DPYD: variants seen among roughly 807,000 people sequenced by gnomAD.
DPYD encodes dihydropyrimidine dehydrogenase, also known as dihydropyrimidine dehydrogenase [NADP(+)].
A neutral mutation model predicts 116.2 loss-of-function variants in DPYD; 109 were observed. The observed-to-expected ratio is 0.94, with a 90% CI of 0.80 to 1.10. The LOEUF (loss-of-function observed/expected upper bound fraction) is 1.10. DPYD is among the 50% of genes least tolerant of loss of function. DPYD has a pLI of 0.00. For synonymous variants in DPYD, 440 were observed against 432.0 expected (o/e 1.02, Z -0.23); for missense variants, 1,302 against 1,254.5 (o/e 1.04, Z -0.57).
intron 18 of DPYD, among the ~76,000 whole-genome samples, chr1:97,251,384 C>T (rs1313968152): frequency 2.5e-5 from 2 of 81,580 alleles, no homozygotes; most frequent in African/African-American, 1.1e-4. Context: ...AAGAGTGAAA[C>T]TCTGTCTAAA....
Position 97,889,919 on chromosome 1 carries a change from ATAGAAT to A in DPYD, c.40-6551_40-6546del, listed in dbSNP as rs528971886. Among the ~76,000 whole-genome samples the A allele has an allele frequency of 1.2e-3, 185 of 152,138 alleles. No individual in the cohort carries two copies. In the Middle Eastern group the frequency reaches 0.024, roughly 20 times the overall value. On this transcript the variant is annotated intron_variant, in intron 1 of 22. Transcript: ENST00000370192. ...AAAATAGTTCTCCCTCTTCAATGGA[ATAGAAT>A]TAGATATCAATAACAGAAAGAAATT...
At chr1:97,379,417 A>AT (rs1282028781) in intron 15 of DPYD, among the ~76,000 whole-genome samples, 1 of 152,232 alleles carries the variant, frequency 6.6e-6, no homozygotes, top group Non-Finnish European at 1.5e-5. Flanking sequence ...ACCACAGCCA[A>AT]TTATACGCTT....
At chr1:97,384,311 T>A (rs1213468374) in intron 14 of DPYD, among the ~76,000 whole-genome samples, 1 of 151,488 alleles carries the variant, frequency 6.6e-6, no homozygotes, top group Non-Finnish European at 1.5e-5. Context: ...AATAGAAAGT[T>A]GTGACCATAT....
chr1:97,800,563 C>A (rs1484360741), intron 3 of DPYD, among the ~76,000 whole-genome samples: 1 of 151,934 alleles, frequency 6.6e-6, no homozygotes, highest in Non-Finnish European at 1.5e-5. Context: ...TCCTCTTTCT[C>A]TTCCAATTTC....
intron 7 of DPYD, among the ~76,000 whole-genome samples, chr1:97,688,500 C>A (rs1305082539): frequency 1.3e-5 from 2 of 151,834 alleles, no homozygotes; most frequent in Non-Finnish European, 2.9e-5. Flanking sequence ...GGTCATAGTT[C>A]TATTTCATAA....
At chr1:97,369,684 T>C (rs1330839167) in intron 16 of DPYD, among the ~76,000 whole-genome samples, 1 of 152,196 alleles carries the variant, frequency 6.6e-6, no homozygotes, top group East Asian at 1.9e-4. Context: ...TTGGAATGAA[T>C]GCAACCAAAG....
At chr1:97,237,722 C>T (rs1384359471) in intron 18 of DPYD, among the ~76,000 whole-genome samples, 1 of 152,112 alleles carries the variant, frequency 6.6e-6, no homozygotes, top group African/African-American at 2.4e-5. Flanking sequence ...CTGTAACAAA[C>T]TTTTTGATAG....
chr1:97,388,962 G>A (rs1041636006), intron 14 of DPYD, among the ~76,000 whole-genome samples: 8 of 152,024 alleles, frequency 5.3e-5, no homozygotes, highest in Admixed American at 3.9e-4. Flanking sequence ...GATAGAAGAC[G>A]AGTAGAGAGA....
chr1:97,242,840 T>C (rs1036875029), intron 18 of DPYD, among the ~76,000 whole-genome samples: 1 of 151,774 alleles, frequency 6.6e-6, no homozygotes, highest in African/African-American at 2.4e-5. Context: ...GTGAATAGGA[T>C]GATCTCTCTT....
intron 3 of DPYD, among the ~76,000 whole-genome samples, chr1:97,803,811 T>C (rs1350996009): frequency 6.6e-6 from 1 of 151,898 alleles, no homozygotes; most frequent in African/African-American, 2.4e-5. Context: ...ATGCGTTACA[T>C]GGTTAGTTTT....
chr1:97,191,788 G>A (rs1156799436), intron 20 of DPYD, among the ~76,000 whole-genome samples: 1 of 152,064 alleles, frequency 6.6e-6, no homozygotes. Flanking sequence ...TCGAATGATT[G>A]TAAAGTCATT....
intron 20 of DPYD, among the ~76,000 whole-genome samples, chr1:97,157,433 T>C (rs1655554562): frequency 6.6e-6 from 1 of 152,138 alleles, no homozygotes; most frequent in Admixed American, 6.6e-5. Context: ...GGAAGACTTA[T>C]CTACTTATGT....
rs538086185 is a variant in DPYD at position 97,268,390 on chromosome 1, C to T, written c.2300-33396G>A. On this transcript the variant is annotated intron_variant, in intron 18 of 22. Transcript: ENST00000370192. ...AAGTGGGGATTCCCTGCAGTAGTCTCACTCCTGCACTCTGCTGTGCATTGC... is the reference window on the plus strand; with the variant it reads ...AAGTGGGGATTCCCTGCAGTAGTCTTACTCCTGCACTCTGCTGTGCATTGC... 3.4e-4 allele frequency among the ~76,000 whole-genome samples: 52 copies of T among 152,296 alleles called. 1 individual carries two copies. In the South Asian group the frequency reaches 0.011, roughly 31 times the overall value.
chr1:97,083,776 G>A (rs1649323770), intron 21 of DPYD, among the ~76,000 whole-genome samples: 1 of 152,036 alleles, frequency 6.6e-6, no homozygotes, highest in African/African-American at 2.4e-5. Context: ...AACACGAACT[G>A]GGTCTTCCTT....
chr1:97,574,044 T>C, intron 10 of DPYD, 74 bp from the exon 11 acceptor site: 36 of 1,572,142 alleles, frequency 2.3e-5, no homozygotes, highest in Non-Finnish European at 3.1e-5. Flanking sequence ...TCTAATTGAA[T>C]TACACATGCT....
Position 97,356,524 on chromosome 1 carries a change from C to T in DPYD, c.2058+17037G>A, listed in dbSNP as rs536942810. Among the ~76,000 whole-genome samples, 90 of 152,226 alleles carry T rather than the reference C, an allele frequency of 5.9e-4. 1 individual carries two copies. The highest frequency in any genetic ancestry group is 1.9e-3 in the African/African-American group (79 of 41,536). On this transcript the variant is annotated intron_variant, in intron 16 of 22. Coordinates refer to ENST00000370192, the MANE Select transcript of DPYD (RefSeq NM_000110.4). ...GCAATATTTGCTGTTCTGCAGCCTC[C>T]GCTGGTGACACCCAGGCAAACAGGG...
chr1:97,178,051 T>A (rs941768080), intron 20 of DPYD, among the ~76,000 whole-genome samples: 2 of 152,086 alleles, frequency 1.3e-5, no homozygotes, highest in African/African-American at 4.8e-5. Flanking sequence ...ACCTTGGCAG[T>A]TAAGATTTTA....
intron 2 of DPYD, among the ~76,000 whole-genome samples, chr1:97,834,861 C>T (rs996977540): frequency 1.3e-5 from 2 of 151,784 alleles, no homozygotes; most frequent in Non-Finnish European, 2.9e-5. Flanking sequence ...ACTAGCCCTG[C>T]TGAAGTTCTT....
chr1:97,517,076 C>T (rs922834159), intron 12 of DPYD, among the ~76,000 whole-genome samples: 1 of 152,060 alleles, frequency 6.6e-6, no homozygotes, highest in Non-Finnish European at 1.5e-5. Flanking sequence ...TGGCCCTCCA[C>T]CACTTACAAT....
Sources: gnomAD v4.1 joint callset for allele counts (sites outside exome capture counted in the v4.1 genomes callset) on GRCh38, gnomAD v4.1.1 for gene constraint, MANE v1.5 for transcripts, NCBI Gene and HGNC (gene_info 2026-07-23, HGNC 2026-07-21) for gene names.